The following MND1 variants were observed in gnomAD, a reference collection of about 807,000 sequenced individuals.
MND1 encodes the protein meiotic nuclear division protein 1 homolog.
Under a neutral mutation model 35.1 loss-of-function variants are expected in MND1, and 28 were observed. The ratio of observed to expected loss-of-function variants is 0.80; its 90% CI spans 0.59 to 1.09. The LOEUF is 1.09. MND1 is among the 50% of genes least tolerant of loss of function. The pLI is 0.00. For synonymous variants in MND1, 69 were observed against 70.5 expected (o/e 0.98, Z 0.11); for missense variants, 213 against 239.6 (o/e 0.89, Z 0.73).
At chr4:153,415,114 A>ATT (rs113897268) in exon 8 of MND1, 2 of 227,766 alleles carry the variant, frequency 8.8e-6, no homozygotes. Flanking sequence ...TTTACAAATG[A>ATT]TTTTTTTTTT....
At chr4:153,374,948 A>T (rs970121) in intron 4 of MND1, among the ~76,000 whole-genome samples, 9,613 of 152,198 alleles carry the variant, frequency 0.063, 510 homozygotes, top group African/African-American at 0.14. Context: ...TGGGCAATAA[A>T]AAAATAATAG....
At chr4:153,383,390 G>C (rs1003084597) in intron 4 of MND1, among the ~76,000 whole-genome samples, 1 of 152,214 alleles carries the variant, frequency 6.6e-6, no homozygotes, top group Non-Finnish European at 1.5e-5. Context: ...CAGCTGGGGA[G>C]TGTCCAGCAG....
intron 6 of MND1, among the ~76,000 whole-genome samples, chr4:153,406,994 T>C (rs553974294): frequency 2.6e-5 from 4 of 152,290 alleles, no homozygotes; most frequent in Admixed American, 1.3e-4. Context: ...CTTGTGAGAC[T>C]CATTCACTAT....
chr4:153,372,666 A>T (rs148422742), intron 4 of MND1, among the ~76,000 whole-genome samples: 79 of 152,108 alleles, frequency 5.2e-4, no homozygotes, highest in African/African-American at 1.8e-3. Context: ...TTCTGCCACT[A>T]TTCATTAGTT....
At chr4:153,389,769 A>AAG (rs1728968898) in intron 4 of MND1, among the ~76,000 whole-genome samples, 1 of 152,216 alleles carries the variant, frequency 6.6e-6, no homozygotes, top group African/African-American at 2.4e-5. Flanking sequence ...AGGCTACAGT[A>AAG]TTTAGCAATA....
chr4:153,397,690 G>T (rs911524644), intron 6 of MND1, among the ~76,000 whole-genome samples: 1 of 151,910 alleles, frequency 6.6e-6, no homozygotes, highest in Non-Finnish European at 1.5e-5. Flanking sequence ...CATGGTGACA[G>T]ATGCCAGTAG....
intron 4 of MND1, among the ~76,000 whole-genome samples, chr4:153,388,901 A>C (rs532832358): frequency 2.0e-5 from 3 of 152,330 alleles, no homozygotes; most frequent in Admixed American, 6.5e-5. Context: ...AACAGGTCTC[A>C]GTGGAGAGGG....
intron 4 of MND1, among the ~76,000 whole-genome samples, chr4:153,367,658 A>C (rs1273291797): frequency 6.6e-6 from 1 of 152,164 alleles, no homozygotes; most frequent in Non-Finnish European, 1.5e-5. Context: ...TTGATGTACA[A>C]GTTTTTGTGT....
At chr4:153,362,752 A>G (rs1773527119) in intron 4 of MND1, among the ~76,000 whole-genome samples, 1 of 152,070 alleles carries the variant, frequency 6.6e-6, no homozygotes, top group South Asian at 2.1e-4. Flanking sequence ...TTTATTTATG[A>G]GCTCACATTC....
intron 6 of MND1, among the ~76,000 whole-genome samples, chr4:153,402,560 C>T (rs144877183): frequency 2.6e-5 from 4 of 152,234 alleles, no homozygotes; most frequent in East Asian, 1.9e-4. Flanking sequence ...CCAGTCTCAC[C>T]GCAGCAGTGA....
chr4:153,405,858 A>G (rs1579956196), intron 6 of MND1, among the ~76,000 whole-genome samples: 1 of 152,098 alleles, frequency 6.6e-6, no homozygotes, highest in African/African-American at 2.4e-5. Flanking sequence ...AGGCTGGAGT[A>G]CAGTGGCATG....
chr4:153,369,800 T>C (rs1015451683), intron 4 of MND1, among the ~76,000 whole-genome samples: 3 of 152,124 alleles, frequency 2.0e-5, no homozygotes. Context: ...GTGATGCTGT[T>C]TGATAGCATT....
At chr4:153,389,959 C>G (rs1304335066) in intron 4 of MND1, among the ~76,000 whole-genome samples, 2 of 152,110 alleles carry the variant, frequency 1.3e-5, no homozygotes, top group Non-Finnish European at 2.9e-5. Flanking sequence ...TTATTGGGCC[C>G]CACCCCAGAT....
chr4:153,413,407 C>T (rs1262998803), intron 7 of MND1, among the ~76,000 whole-genome samples: 2 of 152,098 alleles, frequency 1.3e-5, no homozygotes, highest in Admixed American at 6.6e-5. Context: ...AGGCTGGACA[C>T]GGTGGCTCAC....
Position 153,372,075 on chromosome 4 carries a change from A to G in MND1, c.276+13453A>G, listed in dbSNP as rs986546904. Among the ~76,000 whole-genome samples, 10 of 152,070 alleles carry G rather than the reference A, an allele frequency of 6.6e-5. 1 individual carries two copies. Among genetic ancestry groups the G allele is most frequent in the Non-Finnish European group, 1.3e-4 (9 of 68,024 alleles). On this transcript the variant is annotated intron_variant, in intron 4 of 7. Coordinates refer to ENST00000240488, the MANE Select transcript of MND1 (RefSeq NM_032117.4). ...AATACACACAGCATATATTAAGTTC[A>G]CTGTCTTATGTGGGCATGGTTTGTG... is the stretch of plus-strand genomic sequence containing the variant.
At chr4:153,391,907 T>G (rs1416086279) in intron 4 of MND1, among the ~76,000 whole-genome samples, 1 of 152,050 alleles carries the variant, frequency 6.6e-6, no homozygotes, top group Non-Finnish European at 1.5e-5. Context: ...GGAAAACTGT[T>G]AAAGGAAAGC....
In MND1 at chr4:153,358,457, T is replaced by A. The variant is rs1773399334; in HGVS notation, c.128-17T>A. 6.4e-7 allele frequency: 1 copy of A among 1,568,364 alleles called. No homozygotes were observed. Among genetic ancestry groups the A allele is most frequent in the South Asian group, 1.2e-5 (1 of 80,686 alleles). On this transcript the variant is annotated splice_polypyrimidine_tract_variant and intron_variant, in intron 3 of 7. Transcript: ENST00000240488. ...TGGTGTTTTTCTAACATAGAGTCTT[T>A]AAAAATTGTCTCTTAGCTGCTATGT...
intron 4 of MND1, among the ~76,000 whole-genome samples, chr4:153,387,537 T>C (rs1008553196): frequency 2.0e-5 from 3 of 152,072 alleles, no homozygotes; most frequent in South Asian, 2.1e-4. Flanking sequence ...GTCAGGAAGA[T>C]TGCTTGAGTT....
intron 4 of MND1, among the ~76,000 whole-genome samples, chr4:153,381,152 G>A (rs1728670558): frequency 6.6e-6 from 1 of 152,090 alleles, no homozygotes; most frequent in Non-Finnish European, 1.5e-5. Flanking sequence ...GCCTGCCTCG[G>A]CCTCCCAAAG....
Sources: allele counts gnomAD v4.1 joint callset (sites outside exome capture counted in the v4.1 genomes callset), GRCh38; gene constraint gnomAD v4.1.1; transcripts MANE v1.5; gene names NCBI Gene and HGNC (gene_info 2026-07-23, HGNC 2026-07-21).